DCC: variants seen among roughly 807,000 people sequenced by gnomAD.
DCC encodes the protein DCC netrin 1 receptor, also known as netrin receptor DCC.
DCC carries 58 observed loss-of-function variants against 172.5 expected under a neutral mutation model. That is an observed-to-expected ratio of 0.34 (90% CI 0.27 to 0.42). The LOEUF (loss-of-function observed/expected upper bound fraction) is 0.42. DCC is among the 10% of genes least tolerant of loss of function. DCC has a pLI of 1.00. For missense variants in DCC, 1,740 were observed against 1,791.0 expected (o/e 0.97, Z 0.51); for synonymous variants, 709 against 644.5 (o/e 1.10, Z -1.52).
At chr18:52,840,540 C>G (rs2038785986) in intron 2 of DCC, among the ~76,000 whole-genome samples, 1 of 152,128 alleles carries the variant, frequency 6.6e-6, no homozygotes, top group Admixed American at 6.6e-5. Context: ...GATGGTCCAG[C>G]TGTCAAAATA....
intron 2 of DCC, among the ~76,000 whole-genome samples, chr18:52,845,010 C>T (rs1271822839): frequency 1.3e-5 from 2 of 152,178 alleles, no homozygotes; most frequent in African/African-American, 2.4e-5. Flanking sequence ...TAACACAATG[C>T]AAAGACCTGT....
rs199598105 is a variant in DCC at position 52,752,181 on chromosome 18, G to A, written c.219G>A (p.Lys73=). ...AESDRGVPVI[K]WKKDGIHLAL... ...CCGACCGAGGAGTTCCAGTGATCAA[G>A]TGGAAGAAAGATGGCATTCATCTGG... Residue 73 remains lysine (K), a synonymous_variant, in exon 2 of 29, where the codon AAG becomes AAA. Coordinates refer to ENST00000442544, the MANE Select transcript of DCC (RefSeq NM_005215.4). The A allele has an allele frequency of 3.7e-6, 6 of 1,614,052 alleles. No homozygotes were observed. Among genetic ancestry groups the A allele is most frequent in the African/African-American group, 2.7e-5 (2 of 74,916 alleles).
At chr18:52,595,692 A>AT (rs535875420) in intron 1 of DCC, among the ~76,000 whole-genome samples, 107 of 152,316 alleles carry the variant, frequency 7.0e-4, no homozygotes, top group Admixed American at 2.2e-3. Flanking sequence ...TAGTGTTTGC[A>AT]TTTTAACCAG....
intron 15 of DCC, among the ~76,000 whole-genome samples, chr18:53,359,231 G>T (rs918564891): frequency 3.3e-5 from 5 of 152,024 alleles, no homozygotes; most frequent in Non-Finnish European, 5.9e-5. Context: ...TGATATTCTT[G>T]GATTTTTCTC....
intron 23 of DCC, among the ~76,000 whole-genome samples, chr18:53,453,909 T>C (rs1469154633): frequency 6.6e-6 from 1 of 152,226 alleles, no homozygotes; most frequent in Non-Finnish European, 1.5e-5. Flanking sequence ...ACTTCTAATT[T>C]ATAGAATCAC....
At chr18:52,736,623 A>G (rs1330366447) in intron 1 of DCC, among the ~76,000 whole-genome samples, 2 of 152,214 alleles carry the variant, frequency 1.3e-5, no homozygotes, top group Admixed American at 6.5e-5. Context: ...GTTGGCTAAT[A>G]TTATTTAAAA....
intron 2 of DCC, among the ~76,000 whole-genome samples, chr18:52,849,959 A>C (rs2038949958): frequency 6.6e-6 from 1 of 152,306 alleles, no homozygotes; most frequent in East Asian, 1.9e-4. Flanking sequence ...AGGTCATGAG[A>C]GAAAACTATT....
At chr18:52,522,248 G>A (rs1049362353) in intron 1 of DCC, among the ~76,000 whole-genome samples, 1 of 152,044 alleles carries the variant, frequency 6.6e-6, no homozygotes, top group Non-Finnish European at 1.5e-5. Flanking sequence ...TTTTTATTTG[G>A]TTCAAGATAA....
At chr18:52,366,981 C>G (rs1018369974) in intron 1 of DCC, among the ~76,000 whole-genome samples, 2 of 152,178 alleles carry the variant, frequency 1.3e-5, no homozygotes, top group South Asian at 2.1e-4. Flanking sequence ...AGGCTCGGGC[C>G]GCACAGGAGC....
intron 7 of DCC, among the ~76,000 whole-genome samples, chr18:53,090,332 T>G (rs1362907743): frequency 6.6e-6 from 1 of 152,058 alleles, no homozygotes; most frequent in African/African-American, 2.4e-5. Context: ...AAATATCTTT[T>G]CTGGGTGCTA....
chr18:52,799,136 CAT>C (rs2037934527), intron 2 of DCC, among the ~76,000 whole-genome samples: 1 of 152,214 alleles, frequency 6.6e-6, no homozygotes, highest in Non-Finnish European at 1.5e-5. Context: ...TACATATAGA[CAT>C]ATTTCTAAAG....
intron 2 of DCC, among the ~76,000 whole-genome samples, chr18:52,835,410 G>A (rs2038687273): frequency 6.6e-6 from 1 of 152,090 alleles, no homozygotes; most frequent in South Asian, 2.1e-4. Flanking sequence ...ATTTTAAATA[G>A]GGAAAATATT....
intron 5 of DCC, among the ~76,000 whole-genome samples, chr18:53,008,149 A>C (rs1315582438): frequency 1.3e-5 from 2 of 152,086 alleles, no homozygotes; most frequent in African/African-American, 4.8e-5. Context: ...ATAATAAGAA[A>C]ATATCTTTTT....
intron 1 of DCC, among the ~76,000 whole-genome samples, chr18:52,534,827 T>C (rs1252743486): frequency 2.6e-5 from 4 of 152,186 alleles, no homozygotes; most frequent in African/African-American, 7.2e-5. Context: ...ACTTAGCTTG[T>C]CAAATGCATC....
At chr18:52,961,325 A>G (rs1463367625) in intron 5 of DCC, among the ~76,000 whole-genome samples, 2 of 152,154 alleles carry the variant, frequency 1.3e-5, no homozygotes, top group East Asian at 1.9e-4. Flanking sequence ...TGCATAGGAC[A>G]TTGTGCACTA....
chr18:52,954,602 C>G lies in DCC; in HGVS notation c.985+29232C>G, dbSNP rs1056766510. ...AAAGGTCTTATGGTTCTGCAAGGATCTTGGAATCTACAAGGCAGATTAATA... is the reference window on the plus strand; with the variant it reads ...AAAGGTCTTATGGTTCTGCAAGGATGTTGGAATCTACAAGGCAGATTAATA... On this transcript the variant is annotated intron_variant, in intron 5 of 28. Transcript: ENST00000442544. Among the ~76,000 whole-genome samples the G allele has an allele frequency of 8.5e-5, 13 of 152,238 alleles. 1 individual carries two copies. In the South Asian group the frequency reaches 2.7e-3, roughly 32 times the overall value.
chr18:52,865,336 A>G (rs2039207042), intron 2 of DCC, among the ~76,000 whole-genome samples: 1 of 152,094 alleles, frequency 6.6e-6, no homozygotes, highest in Non-Finnish European at 1.5e-5. Context: ...ATGATTTATA[A>G]TCCTTTGGGT....
At chr18:52,518,086 C>T (rs561053863) in intron 1 of DCC, among the ~76,000 whole-genome samples, 2 of 152,132 alleles carry the variant, frequency 1.3e-5, no homozygotes, top group South Asian at 4.2e-4. Flanking sequence ...ACTAATTTCC[C>T]TAAAAAATCT....
At position 53,420,229 on chromosome 18, in the gene DCC, G is replaced by A. The variant is rs563930352; in HGVS notation, c.3163+4073G>A. Among the ~76,000 whole-genome samples the A allele has an allele frequency of 5.9e-5, 9 of 152,168 alleles. No individual in the cohort carries two copies. The East Asian group carries it at 9.6e-4, about 16-fold the overall frequency. On this transcript the variant is annotated intron_variant, in intron 21 of 28. Coordinates refer to ENST00000442544, the MANE Select transcript of DCC (RefSeq NM_005215.4). ...TGTATATAGCCACACATTCACATTCGACGTATAGCTATAAAGTTGCTTTAA... is the reference window on the plus strand; with the variant it reads ...TGTATATAGCCACACATTCACATTCAACGTATAGCTATAAAGTTGCTTTAA...
Sources: allele counts gnomAD v4.1 joint callset (sites outside exome capture counted in the v4.1 genomes callset), GRCh38; gene constraint gnomAD v4.1.1; transcripts MANE v1.5; gene names NCBI Gene and HGNC (gene_info 2026-07-23, HGNC 2026-07-21).